The following WAC variants were observed in gnomAD, a reference collection of about 807,000 sequenced individuals.
WAC encodes WW domain-containing adapter protein with coiled-coil.
WAC carries 11 observed loss-of-function variants against 79.6 expected under a neutral mutation model. The observed-to-expected ratio is 0.14, with a 90% CI of 0.09 to 0.23. The LOEUF (loss-of-function observed/expected upper bound fraction) is 0.23, where lower values mean the gene tolerates loss of function less well. Among genes scored for constraint, WAC ranks in the 10% least tolerant of loss-of-function variants. The pLI is 1.00. For missense variants in WAC, 728 were observed against 773.5 expected, an observed-to-expected ratio of 0.94 and a Z score of 0.70; for synonymous variants, 304 against 276.9, an observed-to-expected ratio of 1.10 and a Z score of -0.97.
chr10:28,608,365 C>T lies in WAC; in HGVS notation c.1099C>T (p.Leu367Phe). 1 of 1,614,016 alleles carries T rather than the reference C, an allele frequency of 6.2e-7. No individual in the cohort carries two copies. Among genetic ancestry groups the T allele is most frequent in the African/African-American group, 1.3e-5 (1 of 75,038 alleles). Residue 367 changes from leucine (L) to phenylalanine (F), a missense_variant, in exon 8 of 14, where the codon CTT (leucine) becomes TTT (phenylalanine). Physicochemically the swap from Leu to Phe is conservative, Grantham distance 22. This residue lies in a region of WAC where 648 missense variants were observed against 661.5 expected (regional missense o/e 0.98). Transcript: ENST00000354911. Reference protein sequence around the residue: ...LQDPNLLRQLLPALQATLQLN... With the variant: ...LQDPNLLRQLFPALQATLQLN... ...GGACCCAAATCTTCTTAGACAATTG[C>T]TTCCTGCTTTGCAAGCCACGCTGCA...
At chr10:28,612,544 G>A (rs879761604) in intron 10 of WAC, among the ~76,000 whole-genome samples, 5 of 152,110 alleles carry the variant, frequency 3.3e-5, no homozygotes, top group Non-Finnish European at 7.4e-5. Flanking sequence ...AAATGTAGGG[G>A]GAATTTCTTT....
At chr10:28,603,965 A>ATATATATATATATATATATATGTGTG (rs1840787139) in intron 7 of WAC, among the ~76,000 whole-genome samples, 1 of 26,284 alleles carries the variant, frequency 3.8e-5, no homozygotes, top group Admixed American at 4.9e-4. Context: ...ATGTATGTAT[A>ATATATATATATATATATATATGTGTG]TATATATATA....
intron 7 of WAC, among the ~76,000 whole-genome samples, chr10:28,597,708 T>C (rs1245639724): frequency 3.9e-5 from 6 of 152,200 alleles, no homozygotes; most frequent in African/African-American, 7.2e-5. Flanking sequence ...TATCCTCATA[T>C]ACAGTGTGTC....
Position 28,621,737 on chromosome 10 carries a change from T to A in WAC, c.*2131T>A, listed in dbSNP as rs1298890360. 6.6e-6 allele frequency: 1 copy of A among 152,226 alleles called. No individual in the cohort carries two copies. The highest frequency in any genetic ancestry group is 1.5e-5 in the Non-Finnish European group (1 of 68,034). The allele number at this position is 152,226 out of a possible 1,614,324, so 9.4% of individuals were successfully genotyped here. ...TTCCTGATCAGATGGCAATTTGTGA[T>A]TTAGGTAAATTTGAATTTGATTTGC... is the stretch of plus-strand genomic sequence containing the variant. On this transcript the variant is annotated 3_prime_UTR_variant, in exon 14 of 14. Transcript: ENST00000354911.
At chr10:28,573,164 C>T (rs971236415) in intron 3 of WAC, among the ~76,000 whole-genome samples, 7 of 151,552 alleles carry the variant, frequency 4.6e-5, no homozygotes, top group Non-Finnish European at 8.8e-5. Context: ...ATTGTAGAGA[C>T]AGAATCTCTC....
intron 6 of WAC, among the ~76,000 whole-genome samples, chr10:28,592,653 T>G (rs1840153106): frequency 6.6e-6 from 1 of 151,814 alleles, no homozygotes; most frequent in African/African-American, 2.4e-5. Flanking sequence ...GAGTGATGAG[T>G]GATAGATAAG....
chr10:28,563,553 AT>A (rs1838413969), intron 3 of WAC, among the ~76,000 whole-genome samples: 1 of 151,744 alleles, frequency 6.6e-6, no homozygotes. Context: ...AACACAAGAG[AT>A]TTAGTATACA....
At chr10:28,540,155 A>G (rs559761165) in intron 3 of WAC, among the ~76,000 whole-genome samples, 2 of 152,264 alleles carry the variant, frequency 1.3e-5, no homozygotes, top group Admixed American at 6.5e-5. Context: ...ATAGAAAGTA[A>G]GTATACAAAT....
At chr10:28,593,638 C>T (rs112354832) in intron 6 of WAC, among the ~76,000 whole-genome samples, 11 of 151,248 alleles carry the variant, frequency 7.3e-5, no homozygotes, top group East Asian at 3.9e-4. Context: ...CGTGGTGGTG[C>T]GCGCCTGTAA....
rs560450048 is a variant in WAC at position 28,553,805 on chromosome 10, T to G, written c.274+18048T>G. Among the ~76,000 whole-genome samples the G allele has an allele frequency of 1.8e-4, 27 of 152,350 alleles. No individual in the cohort carries two copies. In the South Asian group the frequency reaches 5.4e-3, roughly 30 times the overall value. On this transcript the variant is annotated intron_variant, in intron 3 of 13. Coordinates refer to ENST00000354911, the MANE Select transcript of WAC (RefSeq NM_016628.5). ...TACTGAACATGTACAGACTTCTTTT[T>G]TATTCCCTAAGGAATAGGGTATAAG...
At chr10:28,542,960 C>T (rs1304762092) in intron 3 of WAC, among the ~76,000 whole-genome samples, 5 of 152,148 alleles carry the variant, frequency 3.3e-5, no homozygotes, top group Admixed American at 2.0e-4. Flanking sequence ...TGTTTTTATC[C>T]ACCTTGTATT....
intron 4 of WAC, among the ~76,000 whole-genome samples, chr10:28,585,223 G>C (rs915735637): frequency 6.6e-6 from 1 of 152,150 alleles, no homozygotes; most frequent in Non-Finnish European, 1.5e-5. Flanking sequence ...TGGGGTTTTA[G>C]AACCCAGTAG....
intron 3 of WAC, among the ~76,000 whole-genome samples, chr10:28,566,079 G>A (rs1265480664): frequency 1.3e-5 from 2 of 152,246 alleles, no homozygotes; most frequent in South Asian, 2.1e-4. Context: ...CTTAGACGAC[G>A]TAGGAGACTT....
chr10:28,617,829 G>T, intron 13 of WAC, 45 bp downstream of exon 13: 1 of 1,534,760 alleles, frequency 6.5e-7, no homozygotes, highest in South Asian at 1.3e-5. Flanking sequence ...TCAGGATTAT[G>T]ATTCTTAAAT....
At chr10:28,616,744 T>C (rs973619425) in intron 12 of WAC, among the ~76,000 whole-genome samples, 4 of 152,224 alleles carry the variant, frequency 2.6e-5, no homozygotes, top group Non-Finnish European at 5.9e-5. Flanking sequence ...GTGTACTTTT[T>C]CCACTCAGCT....
intron 2 of WAC, chr10:28,534,322 A>G (rs909993361): frequency 8.0e-6 from 3 of 376,956 alleles, no homozygotes; most frequent in Non-Finnish European, 1.4e-5. Context: ...TTGCGAGTGA[A>G]GGAATCGATG....
chr10:28,539,682 C>T (rs1333638373), intron 3 of WAC, among the ~76,000 whole-genome samples: 1 of 151,900 alleles, frequency 6.6e-6, no homozygotes, highest in Non-Finnish European at 1.5e-5. Context: ...CCTTAATGTC[C>T]CAAGTAGCTG....
intron 3 of WAC, among the ~76,000 whole-genome samples, chr10:28,546,965 TC>T (rs1213426990): frequency 6.6e-6 from 1 of 152,182 alleles, no homozygotes; most frequent in African/African-American, 2.4e-5. Context: ...TTTCTAATTT[TC>T]TTGGCTTTTT....
chr10:28,619,717 A>G lies in WAC; in HGVS notation c.*111A>G. ...GACTTTGGACCGTTAAGCTGGGCAAAGGAAATGACAAGGGGACGGGGTCTG... is the reference window on the plus strand; with the variant it reads ...GACTTTGGACCGTTAAGCTGGGCAAGGGAAATGACAAGGGGACGGGGTCTG... On this transcript the variant is annotated 3_prime_UTR_variant, in exon 14 of 14. Coordinates refer to ENST00000354911, the MANE Select transcript of WAC (RefSeq NM_016628.5). 1 of 806,902 alleles carries G rather than the reference A, an allele frequency of 1.2e-6. No individual in the cohort carries two copies. Among genetic ancestry groups the G allele is most frequent in the South Asian group, 2.2e-5 (1 of 44,856 alleles). 50.0% of individuals were successfully genotyped at this position (806,902 alleles called of 1,614,324 possible). A position where few individuals can be genotyped will look rare whatever the true frequency, so the allele number is the denominator to read the frequency against.
Sources: gnomAD v4.1 joint callset for allele counts (sites outside exome capture counted in the v4.1 genomes callset) on GRCh38, gnomAD v4.1.1 for gene constraint, gnomAD v4.1.1 regional missense constraint, MANE v1.5 for transcripts, NCBI Gene and HGNC (gene_info 2026-07-23, HGNC 2026-07-21) for gene names.